The following NAA60 variants were observed in gnomAD, a reference collection of about 807,000 sequenced individuals.
NAA60 encodes N-alpha-acetyltransferase 60.
Under a neutral mutation model 26.1 loss-of-function variants are expected in NAA60, and 8 were observed. That is an observed-to-expected ratio of 0.31 (90% confidence interval 0.18 to 0.55). NAA60 has a LOEUF of 0.55. Among genes scored for constraint, NAA60 ranks in the 20% least tolerant of loss-of-function variants. The pLI is 0.93. For synonymous variants in NAA60, 131 were observed against 122.5 expected, an observed-to-expected ratio of 1.07 and a Z score of -0.46; for missense variants, 290 against 311.3, an observed-to-expected ratio of 0.93 and a Z score of 0.51.
intron 3 of NAA60, among the ~76,000 whole-genome samples, chr16:3,478,964 G>A (rs145881834): frequency 4.6e-5 from 7 of 152,124 alleles, no homozygotes; most frequent in East Asian, 1.9e-4. Context: ...GGCCAGGCGC[G>A]GTGGCTCACA....
At chr16:3,449,847 T>G (rs904246700) in intron 2 of NAA60, 12 of 368,394 alleles carry the variant, frequency 3.3e-5, no homozygotes, top group African/African-American at 2.5e-4. Flanking sequence ...AAAAGGGGAG[T>G]TTCCCTGCAC....
Position 3,482,556 on chromosome 16 carries a change from C to A in NAA60, c.295C>A (p.Leu99Ile). Residue 99 changes from leucine (L) to isoleucine (I), a missense_variant, in exon 5 of 8, where the codon CTA becomes ATA. Transcript: ENST00000407558. ...FSVDTQVAYI[L>I]SLGVVKEFRK... is the part of the protein sequence containing the mutation. ...TGTTGACACACAAGTCGCGTACATC[C>A]TAAGTCTGGGCGTCGTGAAAGAGTT... 6.2e-7 allele frequency: 1 copy of A among 1,609,656 alleles called. No individual in the cohort carries two copies. The highest frequency in any genetic ancestry group is 1.3e-5 in the African/African-American group (1 of 75,000).
intron 1 of NAA60, among the ~76,000 whole-genome samples, chr16:3,445,383 C>T (rs13333067): frequency 0.076 from 11,441 of 150,946 alleles, 1,151 homozygotes; most frequent in African/African-American, 0.23. Context: ...AAATGATTCT[C>T]CTGCCTAAGC....
chr16:3,474,950 A>G (rs1020029691), intron 2 of NAA60, among the ~76,000 whole-genome samples: 2 of 146,808 alleles, frequency 1.4e-5, no homozygotes, highest in African/African-American at 5.5e-5. Context: ...GGGTTTGTTT[A>G]TTTATTTATT....
chr16:3,455,909 G>A (rs2034971277), intron 2 of NAA60, among the ~76,000 whole-genome samples: 1 of 151,848 alleles, frequency 6.6e-6, no homozygotes, highest in Non-Finnish European at 1.5e-5. Context: ...GTTTCACCAT[G>A]TTGGCCAGGA....
chr16:3,476,399 G>T, intron 3 of NAA60, 62 bp downstream of exon 3: 4 of 1,406,692 alleles, frequency 2.8e-6, no homozygotes, highest in Non-Finnish European at 4.0e-6. Flanking sequence ...GAAGCTGGGC[G>T]GCGGGGGTGG....
rs61748354 is a variant in NAA60, at chr16:3,448,499, G to A, written c.-48G>A. ...ACAGAAAGGCTGTACCTGGAGGAAG[G>A]AAGTGCGGAGCCAGCCTGAGTTGGG... On this transcript the variant is annotated 5_prime_UTR_variant, in exon 2 of 8. Coordinates refer to ENST00000407558, the MANE Select transcript of NAA60 (RefSeq NM_001083601.3). 82,126 of 1,535,410 alleles carry A rather than the reference G, an allele frequency of 0.053. 2,479 individuals carry two copies. The highest frequency in any genetic ancestry group is 0.058 in the Non-Finnish European group (66,789 of 1,146,706).
intron 2 of NAA60, among the ~76,000 whole-genome samples, chr16:3,454,891 T>A (rs79611652): frequency 6.6e-6 from 1 of 152,182 alleles, no homozygotes; most frequent in Non-Finnish European, 1.5e-5. Context: ...AGGGTGGAAG[T>A]TTTTTTAGTG....
intron 7 of NAA60, 149 bp from the exon 8 acceptor site, chr16:3,485,318 T>TA (rs2037097644): frequency 2.0e-6 from 1 of 509,382 alleles, no homozygotes; most frequent in Non-Finnish European, 3.8e-6. Flanking sequence ...GAGAGGCGCC[T>TA]AGTGGCTGCA....
chr16:3,459,633 C>T (rs1045574932), intron 2 of NAA60, among the ~76,000 whole-genome samples: 1 of 152,184 alleles, frequency 6.6e-6, no homozygotes, highest in South Asian at 2.1e-4. Context: ...CTGTGGTTTG[C>T]TGGAGTTTCA....
Position 3,485,663 on chromosome 16 carries a change from C to T in NAA60, c.*403C>T, listed in dbSNP as rs1315617099. On this transcript the variant is annotated 3_prime_UTR_variant, in exon 8 of 8. Transcript: ENST00000407558. ...GAAAGCTGGAGGGGACTTTCTCCTG[C>T]AAGGGAGGAACGCAAGTATTATGGA... 1 of 456,666 alleles carries T rather than the reference C, an allele frequency of 2.2e-6. No homozygotes were observed. The highest frequency in any genetic ancestry group is 2.3e-5 in the Admixed American group (1 of 42,584). 28.3% of individuals were successfully genotyped at this position (456,666 alleles called of 1,614,324 possible).
chr16:3,473,114 C>G (rs1344483237), intron 2 of NAA60, among the ~76,000 whole-genome samples: 1 of 152,176 alleles, frequency 6.6e-6, no homozygotes, highest in Non-Finnish European at 1.5e-5. Flanking sequence ...CAGCTCACTG[C>G]AACCTCTGCC....
chr16:3,467,288 T>C (rs1233367814), intron 2 of NAA60, among the ~76,000 whole-genome samples: 1 of 151,554 alleles, frequency 6.6e-6, no homozygotes, highest in Non-Finnish European at 1.5e-5. Flanking sequence ...TGTTAGGGGC[T>C]CAGAGTGCAG....
At chr16:3,477,440 C>A (rs1405026905) in intron 3 of NAA60, among the ~76,000 whole-genome samples, 1 of 152,200 alleles carries the variant, frequency 6.6e-6, no homozygotes, top group East Asian at 1.9e-4. Flanking sequence ...GACCCCTGTG[C>A]GTCTTTGTGG....
At chr16:3,476,386 G>A (rs763988572) in intron 3 of NAA60, 49 bp downstream of exon 3, 4 of 1,523,962 alleles carry the variant, frequency 2.6e-6, no homozygotes, top group East Asian at 2.3e-5. Context: ...AGCCTCAGGT[G>A]CAGAAGCTGG....
chr16:3,452,525 A>T (rs2034824995), intron 2 of NAA60, among the ~76,000 whole-genome samples: 1 of 151,658 alleles, frequency 6.6e-6, no homozygotes, highest in Admixed American at 6.6e-5. Context: ...GCATGGTGGC[A>T]GGTGCCTGTA....
rs76332518 is a variant in NAA60 at position 3,448,888 on chromosome 16, C to T, written c.-7+348C>T. The T allele has an allele frequency of 7.2e-3, 1,631 of 226,442 alleles. 35 individuals carry two copies. The highest frequency in any genetic ancestry group is 0.035 in the African/African-American group (1,517 of 43,184). 14.0% of individuals were successfully genotyped at this position (226,442 alleles called of 1,614,324 possible). On this transcript the variant is annotated intron_variant, in intron 2 of 7. Coordinates refer to ENST00000407558, the MANE Select transcript of NAA60 (RefSeq NM_001083601.3). ...ATGTTAGTGGAGAACGAGACTCTCC[C>T]AGTGTGCTGCCCTGACCCTCTGAGA...
chr16:3,485,232 AAC>A, intron 7 of NAA60, 171 bp downstream of exon 7: 1 of 671,060 alleles, frequency 1.5e-6, no homozygotes, highest in Non-Finnish European at 2.7e-6. Flanking sequence ...GTGCCAAGCT[AAC>A]ACAGCAGGCT....
At chr16:3,451,858 C>T (rs574292664) in intron 2 of NAA60, among the ~76,000 whole-genome samples, 2 of 151,802 alleles carry the variant, frequency 1.3e-5, no homozygotes, top group South Asian at 2.1e-4. Flanking sequence ...GCAGAAATTG[C>T]AGTGAGCTGA....
Sources: allele counts gnomAD v4.1 joint callset (sites outside exome capture counted in the v4.1 genomes callset), GRCh38; gene constraint gnomAD v4.1.1; transcripts MANE v1.5; gene names NCBI Gene and HGNC (gene_info 2026-07-23, HGNC 2026-07-21).